EFHC2: variants seen among roughly 807,000 people sequenced by gnomAD.
The protein encoded by EFHC2 is EF-hand domain-containing family member C2.
A neutral mutation model predicts 52.7 loss-of-function variants in EFHC2; 18 were observed. That is an observed-to-expected ratio of 0.34 (90% confidence interval 0.24 to 0.51). The LOEUF (loss-of-function observed/expected upper bound fraction) is 0.51. Among genes scored for constraint, EFHC2 ranks in the 20% least tolerant of loss-of-function variants. The probability of loss-of-function intolerance (pLI) is 0.97; values close to 1 mark genes in which losing one functional copy is unlikely to be tolerated. For missense variants in EFHC2, 513 were observed against 562.5 expected (o/e 0.91, Z 0.89); for synonymous variants, 203 against 204.1 (o/e 0.99, Z 0.04).
At chrX:44,311,743 A>G (rs1419813883) in intron 2 of EFHC2, among the ~76,000 whole-genome samples, 1 of 112,420 alleles carries the variant, frequency 8.9e-6, no homozygotes. Context: ...TCCTTTCACT[A>G]TTCTTCTTGC....
At chrX:44,194,490 T>C (rs945997989) in intron 11 of EFHC2, among the ~76,000 whole-genome samples, 1 of 112,324 alleles carries the variant, frequency 8.9e-6, no homozygotes, top group Non-Finnish European at 1.9e-5. Flanking sequence ...TTAAATTCTA[T>C]GTAATGGATC....
In EFHC2 at chrX:44,343,592, GCT is replaced by G; in HGVS notation, c.-6_-5del. The G allele has an allele frequency of 5.0e-6, 6 of 1,192,367 alleles. No individual in the cohort carries two copies. Among genetic ancestry groups the G allele is most frequent in the Non-Finnish European group, 6.8e-6 (6 of 886,162 alleles). ...CCGGCAGCAGAGGCAGGGCCATGGC[GCT>G]CAGTGTCCGAAAATCCAGGGTCCCA... On this transcript the variant is annotated 5_prime_UTR_variant, in exon 1 of 15. Transcript: ENST00000420999.
chrX:44,242,297 A>C lies in EFHC2; in HGVS notation c.1112-8T>G. The C allele has an allele frequency of 8.3e-7, 1 of 1,201,488 alleles. No individual in the cohort carries two copies. The highest frequency in any genetic ancestry group is 1.1e-6 in the Non-Finnish European group (1 of 891,321). ...AAACTGAGGTAAAGTTCTCTAGAACAAAACAAAGGCAAACAAAACATCAAT... is the reference window on the plus strand; with the variant it reads ...AAACTGAGGTAAAGTTCTCTAGAACCAAACAAAGGCAAACAAAACATCAAT... On this transcript the variant is annotated splice_polypyrimidine_tract_variant and splice_region_variant and intron_variant, in intron 7 of 14. Coordinates refer to ENST00000420999, the MANE Select transcript of EFHC2 (RefSeq NM_025184.4).
intron 2 of EFHC2, among the ~76,000 whole-genome samples, chrX:44,307,933 C>CA (rs11305511): frequency 0.011 from 1,023 of 92,621 alleles, 13 homozygotes; most frequent in African/African-American, 0.035. Context: ...GACTTTGTCT[C>CA]AAAAAAAAAA....
intron 11 of EFHC2, among the ~76,000 whole-genome samples, chrX:44,217,506 C>T (rs1260425082): frequency 9.0e-6 from 1 of 111,166 alleles, no homozygotes; most frequent in East Asian, 2.8e-4. Context: ...ATAAGGAAAA[C>T]GTGGTACTCA....
intron 4 of EFHC2, among the ~76,000 whole-genome samples, chrX:44,254,115 G>A (rs887175232): frequency 8.9e-6 from 1 of 112,066 alleles, no homozygotes; most frequent in African/African-American, 3.2e-5. Flanking sequence ...CCATCCGAAG[G>A]TCAACAACAT....
chrX:44,261,359 C>T, intron 3 of EFHC2, 61 bp from the exon 4 acceptor site: 1 of 976,016 alleles, frequency 1.0e-6, no homozygotes, highest in Non-Finnish European at 1.4e-6. Context: ...GAAGATACAG[C>T]ACATTCACTA....
At chrX:44,207,792 T>TCAACAACAA (rs747217052) in intron 11 of EFHC2, among the ~76,000 whole-genome samples, 3 of 110,259 alleles carry the variant, frequency 2.7e-5, no homozygotes, top group African/African-American at 9.9e-5. Context: ...TAAACTTAAA[T>TCAACAACAA]CAACAACAAC....
In EFHC2 at chrX:44,232,668, C is replaced by T; in HGVS notation, c.1433G>A (p.Gly478Asp). Reference protein sequence around the residue: ...EPIERNSGIAGGMFLKRSRVK... With the variant: ...EPIERNSGIADGMFLKRSRVK... The stretch of plus-strand genomic sequence containing the variant: ...GCGACTTCTTTTCAAGAACATCCCA[C>T]CAGCAATTCCTATAAAAAATAGAAA... The change falls in exon 10 of 15, where the codon GGT becomes GAT. Residue 478 changes from glycine (G) to aspartate (D), a missense_variant. By Grantham distance (94) the Gly-to-Asp change is moderately conservative. Coordinates refer to ENST00000420999, the MANE Select transcript of EFHC2 (RefSeq NM_025184.4). 1 of 1,189,293 alleles carries T rather than the reference C, an allele frequency of 8.4e-7. No individual in the cohort carries two copies. Among genetic ancestry groups the T allele is most frequent in the Non-Finnish European group, 1.1e-6 (1 of 884,272 alleles).
intron 2 of EFHC2, among the ~76,000 whole-genome samples, chrX:44,307,895 C>T (rs1339891595): frequency 2.8e-5 from 3 of 109,039 alleles, no homozygotes; most frequent in African/African-American, 1.0e-4. Flanking sequence ...AATCGCACCA[C>T]TGCACTCCAG....
intron 11 of EFHC2, among the ~76,000 whole-genome samples, chrX:44,212,240 T>A (rs1202247076): frequency 9.0e-6 from 1 of 111,232 alleles, no homozygotes; most frequent in African/African-American, 3.3e-5. Context: ...AAAAAAATTT[T>A]AATGCCTTTT....
At chrX:44,155,357 T>C (rs2036599282) in intron 14 of EFHC2, among the ~76,000 whole-genome samples, 1 of 112,177 alleles carries the variant, frequency 8.9e-6, no homozygotes, top group Non-Finnish European at 1.9e-5. Context: ...TGGCACTGGA[T>C]GAAAACCCAG....
chrX:44,276,881 T>C (rs1381906802), intron 2 of EFHC2, among the ~76,000 whole-genome samples: 1 of 112,015 alleles, frequency 8.9e-6, no homozygotes, highest in Non-Finnish European at 1.9e-5. Context: ...ATAAAGCATA[T>C]AATTTTTAAA....
intron 13 of EFHC2, among the ~76,000 whole-genome samples, chrX:44,174,811 G>A (rs1246709135): frequency 9.0e-6 from 1 of 111,130 alleles, no homozygotes. Flanking sequence ...GTTCCTTCAC[G>A]GCAGGATCCC....
intron 4 of EFHC2, among the ~76,000 whole-genome samples, chrX:44,255,860 C>A (rs1055347703): frequency 3.2e-4 from 36 of 111,354 alleles, no homozygotes; most frequent in African/African-American, 1.2e-3. Flanking sequence ...CTAAAGTTGA[C>A]CACATAATGG....
intron 1 of EFHC2, among the ~76,000 whole-genome samples, chrX:44,332,033 A>G (rs2038089942): frequency 9.0e-6 from 1 of 110,530 alleles, no homozygotes; most frequent in Non-Finnish European, 1.9e-5. Flanking sequence ...GTCAATTTAC[A>G]ATTATCTCAA....
chrX:44,321,704 G>A (rs759913054), intron 1 of EFHC2, among the ~76,000 whole-genome samples: 17 of 111,501 alleles, frequency 1.5e-4, no homozygotes, highest in African/African-American at 2.9e-4. Context: ...AAATGAAGAC[G>A]AGGCTTGAGA....
chrX:44,280,948 C>T (rs755085554), intron 2 of EFHC2, among the ~76,000 whole-genome samples: 12 of 111,111 alleles, frequency 1.1e-4, no homozygotes, highest in Non-Finnish European at 1.9e-4. Flanking sequence ...TAGATGAAGT[C>T]TCACTCTGTC....
chrX:44,320,326 C>T (rs146502384), intron 1 of EFHC2, among the ~76,000 whole-genome samples: 1 of 111,349 alleles, frequency 9.0e-6, no homozygotes, highest in South Asian at 3.8e-4. Context: ...ATGTGACCCT[C>T]AGGACCTGTG....
Sources: allele counts gnomAD v4.1 joint callset (sites outside exome capture counted in the v4.1 genomes callset), GRCh38; gene constraint gnomAD v4.1.1; transcripts MANE v1.5; gene names NCBI Gene and HGNC (gene_info 2026-07-23, HGNC 2026-07-21).